The following CPVL variants were observed in gnomAD, a reference collection of about 807,000 sequenced individuals.
CPVL encodes carboxypeptidase vitellogenic like, also known as probable serine carboxypeptidase CPVL.
In CPVL, 51 loss-of-function variants were observed where a neutral mutation model predicts 63.7. The observed-to-expected ratio is 0.80, with a 90% CI of 0.64 to 1.01. CPVL has a LOEUF of 1.01. Ranked by LOEUF, CPVL falls within the 50% of genes least tolerant of loss-of-function variation. The pLI is 0.00. For missense variants in CPVL, 530 were observed against 573.1 expected (o/e 0.92, Z 0.77); for synonymous variants, 195 against 206.0 (o/e 0.95, Z 0.46).
At chr7:29,065,015 G>A (rs1783011761) in intron 10 of CPVL, among the ~76,000 whole-genome samples, 1 of 151,210 alleles carries the variant, frequency 6.6e-6, no homozygotes, top group Admixed American at 6.6e-5. Context: ...GATACTTTAT[G>A]AAGGACACAA....
intron 11 of CPVL, among the ~76,000 whole-genome samples, chr7:29,062,177 T>C (rs1023799318): frequency 1.3e-5 from 2 of 152,340 alleles, no homozygotes; most frequent in Admixed American, 1.3e-4. Flanking sequence ...ATATTTTTGA[T>C]ACAGCACTAA....
intron 11 of CPVL, among the ~76,000 whole-genome samples, chr7:29,062,510 T>G (rs755469088): frequency 1.6e-4 from 24 of 152,238 alleles, no homozygotes; most frequent in Non-Finnish European, 3.2e-4. Flanking sequence ...GTTTGTAGAC[T>G]TGGCATATAA....
chr7:29,091,271 A>C (rs1313558272), intron 6 of CPVL, among the ~76,000 whole-genome samples: 5 of 152,154 alleles, frequency 3.3e-5, no homozygotes, highest in Non-Finnish European at 5.9e-5. Flanking sequence ...GGGGAAGGAA[A>C]GACAGAAACG....
At chr7:29,129,155 C>G (rs1276331803) in intron 1 of CPVL, among the ~76,000 whole-genome samples, 2 of 152,136 alleles carry the variant, frequency 1.3e-5, no homozygotes, top group African/African-American at 4.8e-5. Context: ...TCATAAGAGG[C>G]CACTGTTATA....
chr7:29,127,940 G>A (rs975268955), intron 1 of CPVL: 2 of 151,738 alleles, frequency 1.3e-5, no homozygotes, highest in African/African-American at 4.8e-5. Flanking sequence ...CTGTGTCACT[G>A]AAAACTTACA....
chr7:29,174,106 C>T (rs1177877634), intron 5 of CPVL, among the ~76,000 whole-genome samples: 1 of 152,090 alleles, frequency 6.6e-6, no homozygotes, highest in South Asian at 2.1e-4. Context: ...TTGAGGAAGA[C>T]TAGGGCAGGG....
At chr7:29,185,033 T>G (rs1271744912) in intron 3 of CPVL, among the ~76,000 whole-genome samples, 1 of 152,202 alleles carries the variant, frequency 6.6e-6, no homozygotes, top group African/African-American at 2.4e-5. Context: ...CTGTCCAAGC[T>G]GAGGGTTTTA....
chr7:29,064,277 T>A, intron 10 of CPVL, 43 bp from the exon 11 acceptor site: 1 of 1,266,730 alleles, frequency 7.9e-7, no homozygotes, highest in South Asian at 1.2e-5. Context: ...ACATGATTGG[T>A]GGCAGGAACA....
intron 11 of CPVL, among the ~76,000 whole-genome samples, chr7:29,041,194 C>T (rs1184234414): frequency 2.1e-5 from 3 of 142,070 alleles, no homozygotes; most frequent in Non-Finnish European, 1.5e-5. Flanking sequence ...TGCAGTGGTG[C>T]GATCTCGGCT....
chr7:29,124,241 C>T (rs1480454170), intron 1 of CPVL, among the ~76,000 whole-genome samples: 2 of 152,140 alleles, frequency 1.3e-5, no homozygotes, highest in Non-Finnish European at 2.9e-5. Flanking sequence ...AAACCTTATA[C>T]TAGACAGAGG....
At position 29,146,532 on chromosome 7, in the gene CPVL, A is replaced by T; in HGVS notation, c.-114T>A. The T allele has an allele frequency of 6.7e-7, 1 of 1,499,268 alleles. No homozygotes were observed. The highest frequency in any genetic ancestry group is 8.9e-7 in the Non-Finnish European group (1 of 1,126,044). The allele number at this position is 1,499,268 out of a possible 1,614,324, so 92.9% of individuals were successfully genotyped here. On this transcript the variant is annotated 5_prime_UTR_variant, in exon 1 of 13. Coordinates refer to ENST00000265394, the MANE Select transcript of CPVL (RefSeq NM_031311.5). ...AGGCAGAAGTGAGGCAGCCCCACCC[A>T]GTCACGAGGACCCTGCAGAACTCGA... is the stretch of plus-strand genomic sequence containing the variant.
chr7:29,108,245 A>G (rs2128626257), intron 3 of CPVL, among the ~76,000 whole-genome samples: 1 of 152,342 alleles, frequency 6.6e-6, no homozygotes, highest in African/African-American at 2.4e-5. Flanking sequence ...TAAATGCCCC[A>G]GGTTTTGGCT....
chr7:29,068,791 T>C (rs936504557), intron 9 of CPVL, among the ~76,000 whole-genome samples: 18 of 150,528 alleles, frequency 1.2e-4, no homozygotes, highest in Non-Finnish European at 2.4e-4. Flanking sequence ...GCCTCCTGGG[T>C]TCACGCCATT....
chr7:29,091,980 A>G (rs538096754), intron 6 of CPVL, among the ~76,000 whole-genome samples: 108 of 152,318 alleles, frequency 7.1e-4, no homozygotes, highest in African/African-American at 2.5e-3. Context: ...ATTATAATAC[A>G]TAAAGCGGTG....
intron 4 of CPVL, among the ~76,000 whole-genome samples, chr7:29,183,170 C>T (rs537239297): frequency 3.3e-5 from 5 of 151,336 alleles, no homozygotes; most frequent in East Asian, 3.9e-4. Flanking sequence ...TTGTAACCTC[C>T]GCCTCCCAGG....
intron 11 of CPVL, among the ~76,000 whole-genome samples, chr7:29,062,279 A>G (rs1474393677): frequency 1.3e-5 from 2 of 152,042 alleles, no homozygotes; most frequent in East Asian, 3.9e-4. Flanking sequence ...ATGTACACCT[A>G]TGGGGGTAAA....
chr7:29,194,195 C>T (rs1783271625), intron 1 of CPVL: 1 of 151,620 alleles, frequency 6.6e-6, no homozygotes, highest in Non-Finnish European at 1.5e-5. Flanking sequence ...TCCCCCACAC[C>T]CTCCCTCCCC....
At chr7:29,149,223 T>C (rs1161813492), upstream of CPVL, among the ~76,000 whole-genome samples, 1 of 138,268 alleles carries the variant, frequency 7.2e-6, no homozygotes, top group Non-Finnish European at 1.5e-5. Context: ...GACAGAGTCT[T>C]ACTGTGCCGC....
Position 28,995,442 on chromosome 7 carries a change from C to T in CPVL, c.*330G>A, listed in dbSNP as rs1244904315. On this transcript the variant is annotated 3_prime_UTR_variant, in exon 13 of 13. Transcript: ENST00000265394. ...GATGTTACAGCTTTGTTTGTTACAA[C>T]TGCACTTTTCACTTACTCTTAGAAG... is the stretch of plus-strand genomic sequence containing the variant. 9.4e-6 allele frequency: 2 copies of T among 212,640 alleles called. No individual in the cohort carries two copies. The highest frequency in any genetic ancestry group is 2.4e-5 in the African/African-American group (1 of 42,444). The allele number at this position is 212,640 out of a possible 1,614,324, so 13.2% of individuals were successfully genotyped here.
Sources: allele counts gnomAD v4.1 joint callset (sites outside exome capture counted in the v4.1 genomes callset), GRCh38; gene constraint gnomAD v4.1.1; transcripts MANE v1.5; gene names NCBI Gene and HGNC (gene_info 2026-07-23, HGNC 2026-07-21).